Variants in SH3GL2 observed in about 807,000 individuals in gnomAD.
The protein encoded by SH3GL2 is SH3 domain containing GRB2 like 2, endophilin A1.
Under a neutral mutation model 46.0 loss-of-function variants are expected in SH3GL2, and 24 were observed. The observed-to-expected ratio is 0.52, with a 90% CI of 0.38 to 0.73. SH3GL2 has a LOEUF of 0.73. Among genes scored for constraint, SH3GL2 ranks in the 30% least tolerant of loss-of-function variants. The pLI, the probability that SH3GL2 is intolerant of heterozygous loss-of-function variation, is 0.00. For synonymous variants in SH3GL2, 196 were observed against 147.1 expected (o/e 1.33, Z -2.40); for missense variants, 413 against 424.2 (o/e 0.97, Z 0.23).
intron 1 of SH3GL2, among the ~76,000 whole-genome samples, chr9:17,639,253 T>C (rs9406681): frequency 0.75 from 113,914 of 152,030 alleles, 43,953 homozygotes; most frequent in East Asian, 0.89. Flanking sequence ...GGAAGATAGA[T>C]CTGGGGGAAC....
At chr9:17,616,326 C>T (rs1223423465) in intron 1 of SH3GL2, among the ~76,000 whole-genome samples, 1 of 152,174 alleles carries the variant, frequency 6.6e-6, no homozygotes, top group Non-Finnish European at 1.5e-5. Flanking sequence ...AAGTTAGCAG[C>T]TGCATTTTTT....
chr9:17,606,079 C>T (rs569278455), intron 1 of SH3GL2, among the ~76,000 whole-genome samples: 1 of 110,210 alleles, frequency 9.1e-6, no homozygotes, highest in African/African-American at 2.8e-5. Context: ...GCTTCACTTG[C>T]GTGAGGTTTG....
rs556962305 is a variant in SH3GL2 at position 17,724,555 on chromosome 9, G to A, written c.46-22511G>A. On this transcript the variant is annotated intron_variant, in intron 1 of 8. Coordinates refer to ENST00000380607, the MANE Select transcript of SH3GL2 (RefSeq NM_003026.5). ...CCCCGTGTATGTGTCACATTTTCCT[G>A]GGGGTGTGTGTGTGGATATGTGTGT... Among the ~76,000 whole-genome samples, 3 of 152,076 alleles carry A rather than the reference G, an allele frequency of 2.0e-5. No individual in the cohort carries two copies. In the South Asian group the frequency reaches 6.2e-4, roughly 32 times the overall value.
At chr9:17,713,094 G>GTAGATGT (rs1821671930) in intron 1 of SH3GL2, among the ~76,000 whole-genome samples, 1 of 150,796 alleles carries the variant, frequency 6.6e-6, no homozygotes, top group Non-Finnish European at 1.5e-5. Flanking sequence ...TAAATCAAAA[G>GTAGATGT]TAGATGTTAG....
chr9:17,614,959 C>T (rs926469395), intron 1 of SH3GL2, among the ~76,000 whole-genome samples: 6 of 152,338 alleles, frequency 3.9e-5, no homozygotes, highest in African/African-American at 1.2e-4. Context: ...GGGCAAGCTT[C>T]TGTAGCCTCC....
At position 17,774,929 on chromosome 9, in the gene SH3GL2, G is replaced by A. The variant is rs117866847; in HGVS notation, c.188-11452G>A. 7.6e-3 allele frequency among the ~76,000 whole-genome samples: 1,148 copies of A among 151,970 alleles called. 4 individuals are homozygous for A. Among genetic ancestry groups the A allele is most frequent in the Non-Finnish European group, 0.012 (791 of 67,876 alleles). On this transcript the variant is annotated intron_variant, in intron 3 of 8. Coordinates refer to ENST00000380607, the MANE Select transcript of SH3GL2 (RefSeq NM_003026.5). ...CAGATCCTAGGCTTGTTTTTGTTGGGAGATTTTTGATTACTGATTCAATCT... is the reference window on the plus strand; with the variant it reads ...CAGATCCTAGGCTTGTTTTTGTTGGAAGATTTTTGATTACTGATTCAATCT...
At chr9:17,594,689 T>C (rs1818540492) in intron 1 of SH3GL2, among the ~76,000 whole-genome samples, 1 of 152,128 alleles carries the variant, frequency 6.6e-6, no homozygotes, top group South Asian at 2.1e-4. Context: ...CTGTGAAGTG[T>C]AGTGCTCGGC....
chr9:17,598,823 G>A (rs998141323), intron 1 of SH3GL2, among the ~76,000 whole-genome samples: 1 of 152,172 alleles, frequency 6.6e-6, no homozygotes, highest in Non-Finnish European at 1.5e-5. Flanking sequence ...CCATTTTACT[G>A]ATGAGGAAAC....
rs935880685 is a variant in SH3GL2, at chr9:17,687,864, A to G, written c.46-59202A>G. 2.6e-5 allele frequency among the ~76,000 whole-genome samples: 4 copies of G among 152,092 alleles called. No homozygotes were observed. In the South Asian group the frequency reaches 8.3e-4, roughly 32 times the overall value. ...ATCTGAGGCATACAATTTAGAAAGT[A>G]ATTATCATATTTGTTACCATGGCGA... On this transcript the variant is annotated intron_variant, in intron 1 of 8. Coordinates refer to ENST00000380607, the MANE Select transcript of SH3GL2 (RefSeq NM_003026.5).
chr9:17,694,156 A>T (rs1461783708), intron 1 of SH3GL2, among the ~76,000 whole-genome samples: 1 of 152,174 alleles, frequency 6.6e-6, no homozygotes, highest in Non-Finnish European at 1.5e-5. Flanking sequence ...GCTATAAAGA[A>T]GTACCTGAGA....
chr9:17,592,903 G>A (rs554777067), intron 1 of SH3GL2, among the ~76,000 whole-genome samples: 1 of 152,244 alleles, frequency 6.6e-6, no homozygotes, highest in Admixed American at 6.5e-5. Flanking sequence ...CCTCCTTAGA[G>A]GGGAAAGGGG....
intron 3 of SH3GL2, among the ~76,000 whole-genome samples, chr9:17,762,286 C>G (rs958126532): frequency 6.6e-6 from 1 of 151,376 alleles, no homozygotes; most frequent in African/African-American, 2.4e-5. Flanking sequence ...AGGCTAGTTT[C>G]TTTGCAAGTT....
intron 1 of SH3GL2, among the ~76,000 whole-genome samples, chr9:17,686,830 C>A (rs565776362): frequency 6.7e-6 from 1 of 149,102 alleles, no homozygotes; most frequent in South Asian, 2.2e-4. Context: ...GGGAGATATA[C>A]CTAATGCTAG....
At chr9:17,785,160 A>G (rs1823917330) in intron 3 of SH3GL2, among the ~76,000 whole-genome samples, 1 of 152,210 alleles carries the variant, frequency 6.6e-6, no homozygotes, top group South Asian at 2.1e-4. Context: ...CTAAACTTAA[A>G]GATACTTCCC....
At chr9:17,631,932 G>A (rs1261131673) in intron 1 of SH3GL2, among the ~76,000 whole-genome samples, 1 of 152,110 alleles carries the variant, frequency 6.6e-6, no homozygotes, top group Non-Finnish European at 1.5e-5. Context: ...AAATGTATCT[G>A]ATAATTCCTT....
chr9:17,580,115 T>C (rs1818249803), intron 1 of SH3GL2, among the ~76,000 whole-genome samples: 1 of 152,176 alleles, frequency 6.6e-6, no homozygotes, highest in Non-Finnish European at 1.5e-5. Context: ...CTCAAAGAAT[T>C]TTACATAGGG....
intron 1 of SH3GL2, among the ~76,000 whole-genome samples, chr9:17,609,560 G>C (rs986491383): frequency 2.6e-5 from 4 of 152,146 alleles, no homozygotes; most frequent in African/African-American, 9.7e-5. Flanking sequence ...CAGTATGGCT[G>C]ATCTCTAGAA....
intron 1 of SH3GL2, among the ~76,000 whole-genome samples, chr9:17,674,559 A>G (rs1011669600): frequency 6.6e-6 from 1 of 151,922 alleles, no homozygotes; most frequent in Non-Finnish European, 1.5e-5. Context: ...AGCCTGCCCA[A>G]AGCAATGAAC....
rs1488775475 is a variant in SH3GL2, at chr9:17,579,162, G to C, written c.-81G>C. 6 of 1,031,378 alleles carry C rather than the reference G, an allele frequency of 5.8e-6. No individual in the cohort carries two copies. The highest frequency in any genetic ancestry group is 6.8e-6 in the Non-Finnish European group (5 of 740,070). 63.9% of individuals were successfully genotyped at this position (1,031,378 alleles called of 1,614,324 possible). ...GGCACGACCAGAGGCGGCCAGGGGA[G>C]CGCGCCGCCCCGCTCGGCCCTCCAG... is the stretch of plus-strand genomic sequence containing the variant. On this transcript the variant is annotated 5_prime_UTR_variant, in exon 1 of 9. Coordinates refer to ENST00000380607, the MANE Select transcript of SH3GL2 (RefSeq NM_003026.5).
Sources: allele counts gnomAD v4.1 joint callset (sites outside exome capture counted in the v4.1 genomes callset), GRCh38; gene constraint gnomAD v4.1.1; transcripts MANE v1.5; gene names NCBI Gene and HGNC (gene_info 2026-07-23, HGNC 2026-07-21).